The following ABCA10 variants were observed in gnomAD, a reference collection of about 807,000 sequenced individuals.
ABCA10 encodes the protein ATP binding cassette subfamily A member 10.
ABCA10 carries 169 observed loss-of-function variants against 187.5 expected under a neutral mutation model. The observed-to-expected ratio is 0.90, with a 90% CI of 0.80 to 1.02. The LOEUF (loss-of-function observed/expected upper bound fraction) is 1.02. Ranked by LOEUF, ABCA10 falls within the 50% of genes least tolerant of loss-of-function variation. The pLI, the probability that ABCA10 is intolerant of heterozygous loss-of-function variation, is 0.00. For synonymous variants in ABCA10, 574 were observed against 601.8 expected, an observed-to-expected ratio of 0.95 and a Z score of 0.68; for missense variants, 1,727 against 1,812.4, an observed-to-expected ratio of 0.95 and a Z score of 0.86.
intron 1 of ABCA10, among the ~76,000 whole-genome samples, chr17:69,235,795 A>AC (rs1454551805): frequency 2.2e-4 from 34 of 152,204 alleles, no homozygotes; most frequent in African/African-American, 7.9e-4. Flanking sequence ...AACAAAAAAA[A>AC]CAAAAACAAA....
At position 69,182,293 on chromosome 17, in the gene ABCA10, T is replaced by A. The variant is rs747345259; in HGVS notation, c.2632-3A>T. 4.6e-6 allele frequency: 7 copies of A among 1,511,556 alleles called. No individual in the cohort carries two copies. The highest frequency in any genetic ancestry group is 6.2e-6 in the Non-Finnish European group (7 of 1,127,136). 93.6% of individuals were successfully genotyped at this position (1,511,556 alleles called of 1,614,324 possible). ...CACGCAACAGAAAATCTGTAATCCT[T>A]GAAAAAAAGTACACAAATATAAGTT... On this transcript the variant is annotated splice_region_variant and splice_polypyrimidine_tract_variant and intron_variant, in intron 21 of 38. Coordinates refer to ENST00000690296, the MANE Select transcript of ABCA10 (RefSeq NM_001377321.1).
intron 27 of ABCA10, among the ~76,000 whole-genome samples, chr17:69,160,209 A>C (rs1473963907): frequency 6.6e-6 from 1 of 152,238 alleles, no homozygotes; most frequent in Non-Finnish European, 1.5e-5. Context: ...GAATACAAGA[A>C]AACATTTTCA....
At chr17:69,154,147 T>C in intron 31 of ABCA10, 88 bp downstream of exon 31, 2 of 1,445,724 alleles carry the variant, frequency 1.4e-6, no homozygotes, top group South Asian at 1.4e-5. Flanking sequence ...TTTCATCTAT[T>C]TTTTAAAAAG....
intron 18 of ABCA10, among the ~76,000 whole-genome samples, chr17:69,189,889 G>T (rs1415109625): frequency 6.6e-6 from 1 of 151,990 alleles, no homozygotes; most frequent in Admixed American, 6.6e-5. Flanking sequence ...ATGTATAGTA[G>T]CCTCCTAAAT....
intron 27 of ABCA10, among the ~76,000 whole-genome samples, chr17:69,159,648 A>C (rs1752753965): frequency 6.6e-6 from 1 of 152,148 alleles, no homozygotes. Context: ...AAGAACTGAA[A>C]GAAAAAAAGT....
chr17:69,187,931 C>T (rs755340082), intron 18 of ABCA10, 52 bp from the exon 19 acceptor site: 3 of 1,526,346 alleles, frequency 2.0e-6, no homozygotes, highest in Non-Finnish European at 2.7e-6. Context: ...TGAACTTTCT[C>T]TTTAAAAACT....
In ABCA10 at chr17:69,164,965, T is replaced by C. The variant is rs755935185; in HGVS notation, c.3281A>G (p.Gln1094Arg). Residue 1094 changes from glutamine to arginine, a missense_variant and splice_region_variant, in exon 26 of 39, where the codon CAG becomes CGG. Transcript: ENST00000690296. The stretch of plus-strand genomic sequence containing the variant: ...GACACAGTAGGTAACACTGCTTACC[T>C]GGATCAATAACATGACATACCCCAG... Reference protein sequence around the residue: ...TLLGYVMLLIQLDFMRNLDSL... With the variant: ...TLLGYVMLLIRLDFMRNLDSL... The C allele has an allele frequency of 2.7e-5, 43 of 1,612,796 alleles. No individual in the cohort carries two copies. The highest frequency in any genetic ancestry group is 3.5e-5 in the Non-Finnish European group (41 of 1,179,216).
At chr17:69,189,836 T>C (rs1018474905) in intron 18 of ABCA10, among the ~76,000 whole-genome samples, 1 of 152,092 alleles carries the variant, frequency 6.6e-6, no homozygotes, top group African/African-American at 2.4e-5. Flanking sequence ...GACTGTAGGT[T>C]TGTGGCTTTA....
chr17:69,201,490 T>C lies in ABCA10; in HGVS notation c.1175+10A>G, dbSNP rs368308962. 5 of 1,560,494 alleles carry C rather than the reference T, an allele frequency of 3.2e-6. No individual in the cohort carries two copies. The African/African-American group carries it at 4.1e-5, about 13-fold the overall frequency. The stretch of plus-strand genomic sequence containing the variant: ...TATAAGTGTACATAGTCATGTAATT[T>C]CTTAGTTACCTTATGGCTTCTTTTC... On this transcript the variant is annotated intron_variant, in intron 10 of 38. Coordinates refer to ENST00000690296, the MANE Select transcript of ABCA10 (RefSeq NM_001377321.1).
At position 69,214,615 on chromosome 17, in the gene ABCA10, C is replaced by T. The variant is rs557647017; in HGVS notation, c.1006+89G>A. The T allele has an allele frequency of 2.6e-6, 3 of 1,168,934 alleles. No individual in the cohort carries two copies. In the East Asian group the frequency reaches 8.7e-5, roughly 34 times the overall value. The allele number at this position is 1,168,934 out of a possible 1,614,324, so 72.4% of individuals were successfully genotyped here. ...TTTTTCTTCTCTACTATCAGAAATG[C>T]TTCTTAAGTTACAAATAAACAGATA... On this transcript the variant is annotated intron_variant, in intron 9 of 38. Coordinates refer to ENST00000690296, the MANE Select transcript of ABCA10 (RefSeq NM_001377321.1).
chr17:69,204,973 C>G (rs1304108288), intron 9 of ABCA10, among the ~76,000 whole-genome samples: 1 of 151,936 alleles, frequency 6.6e-6, no homozygotes, highest in African/African-American at 2.4e-5. Flanking sequence ...TACAAAATTA[C>G]CAAAATTAGC....
intron 20 of ABCA10, among the ~76,000 whole-genome samples, chr17:69,183,814 G>C (rs2074399805): frequency 6.6e-6 from 1 of 152,148 alleles, no homozygotes; most frequent in Non-Finnish European, 1.5e-5. Context: ...ACTTCCAGCT[G>C]AACTTTGTAA....
intron 27 of ABCA10, among the ~76,000 whole-genome samples, chr17:69,157,686 A>G (rs946614713): frequency 2.0e-5 from 3 of 152,176 alleles, no homozygotes; most frequent in Non-Finnish European, 4.4e-5. Context: ...ATATATAGGC[A>G]ACTGATATAT....
intron 1 of ABCA10, among the ~76,000 whole-genome samples, chr17:69,235,882 T>C (rs1285673523): frequency 6.6e-6 from 1 of 152,208 alleles, no homozygotes; most frequent in East Asian, 1.9e-4. Flanking sequence ...AAATTCATTG[T>C]CCCCCAGCAC....
chr17:69,185,353 C>T (rs145860068), intron 20 of ABCA10, 124 bp downstream of exon 20: 58 of 937,294 alleles, frequency 6.2e-5, no homozygotes, highest in Non-Finnish European at 8.2e-5. Flanking sequence ...CATCAGTTTC[C>T]TTCATTTGAA....
rs1355680188 is a variant in ABCA10, at chr17:69,153,551, C to T, written c.3966-5G>A. Reference sequence around the variant, plus strand: ...AGCTTAAGAGCTTCCACCAATCTGACAAAAAACAGTGTGATTATACATGAA... The same window carrying T: ...AGCTTAAGAGCTTCCACCAATCTGATAAAAAACAGTGTGATTATACATGAA... On this transcript the variant is annotated splice_region_variant and splice_polypyrimidine_tract_variant and intron_variant, in intron 32 of 38. Transcript: ENST00000690296. 4 of 1,612,846 alleles carry T rather than the reference C, an allele frequency of 2.5e-6. No homozygotes were observed. Among genetic ancestry groups the T allele is most frequent in the South Asian group, 2.2e-5 (2 of 90,960 alleles).
chr17:69,238,823 G>C (rs1275608784), intron 1 of ABCA10, among the ~76,000 whole-genome samples: 1 of 152,166 alleles, frequency 6.6e-6, no homozygotes, highest in Non-Finnish European at 1.5e-5. Flanking sequence ...CCAGAAACCA[G>C]AGAGGACTCA....
At chr17:69,162,838 CAT>C (rs376385505) in intron 27 of ABCA10, among the ~76,000 whole-genome samples, 1,644 of 120,616 alleles carry the variant, frequency 0.014, 14 homozygotes, top group Admixed American at 0.017. Flanking sequence ...TATACATATA[CAT>C]ATATATATAT....
At chr17:69,210,934 C>T (rs2074642904) in intron 9 of ABCA10, among the ~76,000 whole-genome samples, 1 of 149,836 alleles carries the variant, frequency 6.7e-6, no homozygotes, top group Admixed American at 6.7e-5. Context: ...TGCAATACCA[C>T]TTTACTCCTG....
Sources: gnomAD v4.1 joint callset for allele counts (sites outside exome capture counted in the v4.1 genomes callset) on GRCh38, gnomAD v4.1.1 for gene constraint, MANE v1.5 for transcripts, NCBI Gene and HGNC (gene_info 2026-07-23, HGNC 2026-07-21) for gene names.